Variants in ANKRD42 observed in about 807,000 individuals in gnomAD.
ANKRD42 encodes ankyrin repeat domain 42.
Under a neutral mutation model 51.5 loss-of-function variants are expected in ANKRD42, and 43 were observed. The observed-to-expected ratio is 0.83, with a 90% confidence interval of 0.65 to 1.08. The LOEUF (loss-of-function observed/expected upper bound fraction) is 1.08. ANKRD42 is among the 50% of genes least tolerant of loss of function. The pLI is 0.00. For synonymous variants in ANKRD42, 203 were observed against 213.0 expected, an observed-to-expected ratio of 0.95 and a Z score of 0.41; for missense variants, 608 against 629.3, an observed-to-expected ratio of 0.97 and a Z score of 0.36.
chr11:83,211,523 G>A lies in ANKRD42; in HGVS notation c.586+93G>A, dbSNP rs953918245. 5.5e-5 allele frequency: 77 copies of A among 1,395,258 alleles called. No homozygotes were observed. The Middle Eastern group carries it at 2.9e-3, about 53-fold the overall frequency. The allele number at this position is 1,395,258 out of a possible 1,614,324, so 86.4% of individuals were successfully genotyped here. On this transcript the variant is annotated intron_variant, in intron 5 of 10. Coordinates refer to ENST00000533342, the MANE Select transcript of ANKRD42 (RefSeq NM_001300975.2). Reference sequence around the variant, plus strand: ...AAGAAATTTAAACTGTTGGTTGAGCGTGGTGGCTTACATCTGTAATCTCAG... The same window carrying A: ...AAGAAATTTAAACTGTTGGTTGAGCATGGTGGCTTACATCTGTAATCTCAG...
chr11:83,212,523 A>G, intron 5 of ANKRD42: 1 of 851,646 alleles, frequency 1.2e-6, no homozygotes, highest in Non-Finnish European at 1.9e-6. Flanking sequence ...TGGTCTACAA[A>G]TTCTAAAGGA....
downstream of ANKRD42, chr11:83,260,985 T>C (rs1863902075): frequency 6.6e-6 from 1 of 152,222 alleles, no homozygotes; most frequent in East Asian, 1.9e-4. Flanking sequence ...AGGGATAAAC[T>C]GGTTTTTGAG....
At chr11:83,245,052 G>A (rs541273851) in intron 9 of ANKRD42, among the ~76,000 whole-genome samples, 3 of 152,090 alleles carry the variant, frequency 2.0e-5, no homozygotes, top group South Asian at 2.1e-4. Flanking sequence ...TTACAGGCAC[G>A]TGCCACCACA....
At chr11:83,251,302 T>C (rs1863671186), downstream of ANKRD42, among the ~76,000 whole-genome samples, 1 of 152,160 alleles carries the variant, frequency 6.6e-6, no homozygotes, top group African/African-American at 2.4e-5. Flanking sequence ...GTCTGAGGGC[T>C]TCTCGTCATC....
At chr11:83,260,793 T>C (rs994983544), downstream of ANKRD42, 1 of 152,192 alleles carries the variant, frequency 6.6e-6, no homozygotes, top group African/African-American at 2.4e-5. Context: ...GATTTACTAA[T>C]AGATATTACT....
intron 11 of ANKRD42, among the ~76,000 whole-genome samples, chr11:83,255,257 T>C (rs1863748748): frequency 6.6e-6 from 1 of 152,224 alleles, no homozygotes; most frequent in Non-Finnish European, 1.5e-5. Context: ...CCCTGCTTGC[T>C]CCTTCCCATG....
Position 83,210,322 on chromosome 11 carries a change from A to G in ANKRD42, c.353A>G (p.Asn118Ser). ...TAGGCTCTTATAATGAATGGAGCAA[A>G]TCTGACAGCCCAGGATGACCGGGGA... is the stretch of plus-strand genomic sequence containing the variant. ...CVQALIMNGA[N>S]LTAQDDRGCT... is the part of the protein sequence containing the mutation. Residue 118 changes from asparagine (N) to serine (S), a missense_variant, in exon 4 of 11, where the codon AAT (asparagine) becomes AGT (serine). By Grantham distance (46) the Asn-to-Ser change is conservative. Transcript: ENST00000533342. The G allele has an allele frequency of 6.2e-7, 1 of 1,613,904 alleles. No homozygotes were observed. The highest frequency in any genetic ancestry group is 8.5e-7 in the Non-Finnish European group (1 of 1,179,820).
rs1250502492 is a variant in ANKRD42, at chr11:83,206,130, A to G, written c.295A>G (p.Ile99Val). Residue 99 changes from isoleucine to valine, a missense_variant, in exon 3 of 11, where the codon ATA becomes GTA. Coordinates refer to ENST00000533342, the MANE Select transcript of ANKRD42 (RefSeq NM_001300975.2). ...VTTRGWTASHIAAIRGQDACV... is the reference protein window; with the variant it reads ...VTTRGWTASHVAAIRGQDACV... ...AACGAGAGGTTGGACAGCATCTCAC[A>G]TAGCTGCAATCAGGGGTCAGGATGC... The G allele has an allele frequency of 4.3e-6, 7 of 1,614,052 alleles. No individual in the cohort carries two copies. The highest frequency in any genetic ancestry group is 4.5e-5 in the East Asian group (2 of 44,878).
At position 83,194,028 on chromosome 11, in the gene ANKRD42, G is replaced by T. The variant is rs1392623762; in HGVS notation, c.-643G>T. 2.2e-6 allele frequency: 1 copy of T among 456,448 alleles called. No individual in the cohort carries two copies. The highest frequency in any genetic ancestry group is 6.9e-5 in the East Asian group (1 of 14,404). The allele number at this position is 456,448 out of a possible 1,614,324, so 28.3% of individuals were successfully genotyped here. On this transcript the variant is annotated 5_prime_UTR_variant, in exon 1 of 11. Coordinates refer to ENST00000533342, the MANE Select transcript of ANKRD42 (RefSeq NM_001300975.2). ...ACGCCGGCTTCTCCCGCAGTGACTTGAGAAGGGTCAGTGAAAACCTCGGCC... is the reference window on the plus strand; with the variant it reads ...ACGCCGGCTTCTCCCGCAGTGACTTTAGAAGGGTCAGTGAAAACCTCGGCC...
At chr11:83,210,595 T>C (rs1862276229) in intron 4 of ANKRD42, among the ~76,000 whole-genome samples, 176 bp downstream of exon 4, 1 of 152,218 alleles carries the variant, frequency 6.6e-6, no homozygotes, top group Non-Finnish European at 1.5e-5. Context: ...TTCAGACAAG[T>C]CTTCTCTTCC....
At chr11:83,195,749 C>G (rs1442024062) in intron 1 of ANKRD42, among the ~76,000 whole-genome samples, 1 of 151,656 alleles carries the variant, frequency 6.6e-6, no homozygotes, top group Non-Finnish European at 1.5e-5. Flanking sequence ...TTGAATCTTT[C>G]TCCTTTTCTT....
chr11:83,210,972 T>A (rs1862292411), intron 4 of ANKRD42, among the ~76,000 whole-genome samples: 1 of 151,716 alleles, frequency 6.6e-6, no homozygotes, highest in Non-Finnish European at 1.5e-5. Context: ...TTATTAACTC[T>A]GTTTATATTC....
chr11:83,213,276 G>GCAA, intron 5 of ANKRD42: 2 of 1,595,694 alleles, frequency 1.3e-6, no homozygotes, highest in South Asian at 1.1e-5. Context: ...CTGCTGATGT[G>GCAA]CAACAGATCT....
intron 1 of ANKRD42, among the ~76,000 whole-genome samples, chr11:83,197,537 A>C (rs1439057152): frequency 1.3e-5 from 2 of 152,232 alleles, no homozygotes; most frequent in African/African-American, 4.8e-5. Flanking sequence ...GTACATAGAT[A>C]AATAGTAGTA....
intron 2 of ANKRD42, among the ~76,000 whole-genome samples, chr11:83,205,058 G>T (rs1862017085): frequency 6.6e-6 from 1 of 152,178 alleles, no homozygotes; most frequent in African/African-American, 2.4e-5. Flanking sequence ...TACATTGCTG[G>T]TGGGAATGTA....
In ANKRD42 at chr11:83,248,296, TACACACAC is replaced by T. The variant is rs58376016; in HGVS notation, c.*125_*132del. On this transcript the variant is annotated 3_prime_UTR_variant, in exon 11 of 11. Transcript: ENST00000533342. ...AGAGCTGATGACAGGATTAAAGGAA[TACACACAC>T]ACACACACACACACACACACACACA... 0.22 allele frequency: 280,879 copies of T among 1,293,994 alleles called. 8,027 individuals are homozygous for T. The highest frequency in any genetic ancestry group is 0.29 in the Middle Eastern group (1,120 of 3,876). The allele number at this position is 1,293,994 out of a possible 1,614,324, so 80.2% of individuals were successfully genotyped here.
intron 3 of ANKRD42, chr11:83,209,657 C>T (rs1862229421): frequency 7.5e-6 from 6 of 797,366 alleles, no homozygotes; most frequent in Admixed American, 5.3e-5. Context: ...AGCTGCTTTT[C>T]AGCCTCAAGC....
intron 2 of ANKRD42, among the ~76,000 whole-genome samples, chr11:83,202,126 G>A (rs1861896247): frequency 6.6e-6 from 1 of 152,180 alleles, no homozygotes; most frequent in Non-Finnish European, 1.5e-5. Context: ...ATGGGTTTAG[G>A]TGTTACTTTT....
intron 5 of ANKRD42, among the ~76,000 whole-genome samples, chr11:83,219,908 T>C (rs567409555): frequency 2.0e-5 from 3 of 152,324 alleles, no homozygotes; most frequent in Admixed American, 2.0e-4. Flanking sequence ...GAGGGCACCA[T>C]GAACAGGGAT....
Sources: gnomAD v4.1 joint callset for allele counts (sites outside exome capture counted in the v4.1 genomes callset) on GRCh38, gnomAD v4.1.1 for gene constraint, MANE v1.5 for transcripts, NCBI Gene and HGNC (gene_info 2026-07-23, HGNC 2026-07-21) for gene names.